The following KLHL7 variants were observed in gnomAD, a reference collection of about 807,000 sequenced individuals.
KLHL7 encodes the protein kelch like family member 7.
Under a neutral mutation model 67.4 loss-of-function variants are expected in KLHL7, and 44 were observed. The ratio of observed to expected loss-of-function variants is 0.65; its 90% CI spans 0.51 to 0.84. The LOEUF (loss-of-function observed/expected upper bound fraction) is 0.84, where lower values mean the gene tolerates loss of function less well. KLHL7 is among the 40% of genes least tolerant of loss of function. KLHL7 has a pLI of 0.00. For missense variants in KLHL7, 362 were observed against 718.1 expected, an observed-to-expected ratio of 0.50 and a Z score of 5.67; for synonymous variants, 252 against 243.3, an observed-to-expected ratio of 1.04 and a Z score of -0.33.
At chr7:23,141,382 G>A (rs1335495412) in intron 5 of KLHL7, among the ~76,000 whole-genome samples, 1 of 152,234 alleles carries the variant, frequency 6.6e-6, no homozygotes, top group Admixed American at 6.5e-5. Flanking sequence ...ACTGGTCATT[G>A]CTGTCTTTGA....
intron 4 of KLHL7, among the ~76,000 whole-genome samples, chr7:23,137,176 G>A (rs183914282): frequency 5.8e-4 from 88 of 152,220 alleles, no homozygotes; most frequent in African/African-American, 2.0e-3. Context: ...TCCCAGCTAC[G>A]CAGGAGACTG....
intron 1 of KLHL7, among the ~76,000 whole-genome samples, chr7:23,116,462 G>A (rs1783093446): frequency 6.6e-6 from 1 of 152,178 alleles, no homozygotes; most frequent in African/African-American, 2.4e-5. Context: ...TTTCCTCTGT[G>A]GTACATCTGT....
intron 7 of KLHL7, among the ~76,000 whole-genome samples, chr7:23,158,084 C>T (rs57532627): frequency 0.022 from 3,406 of 152,186 alleles, 118 homozygotes; most frequent in African/African-American, 0.077. Context: ...CCCACCTCAG[C>T]CTCTCTAGTA....
chr7:23,121,721 T>C (rs1240774446), intron 1 of KLHL7, among the ~76,000 whole-genome samples: 27 of 150,824 alleles, frequency 1.8e-4, no homozygotes, highest in Admixed American at 1.8e-3. Context: ...CTCGCTCTGT[T>C]GCCCAGGCTG....
At chr7:23,134,332 T>G (rs1030710238) in intron 4 of KLHL7, among the ~76,000 whole-genome samples, 6 of 152,210 alleles carry the variant, frequency 3.9e-5, no homozygotes, top group African/African-American at 1.2e-4. Context: ...ATTTTTAATG[T>G]GTTGTTGAAT....
chr7:23,156,316 T>C (rs1223411283), intron 7 of KLHL7: 2 of 196,768 alleles, frequency 1.0e-5, no homozygotes, highest in Non-Finnish European at 2.1e-5. Flanking sequence ...GAAATGATAT[T>C]TTTCTTGTTA....
intron 9 of KLHL7, among the ~76,000 whole-genome samples, chr7:23,170,115 G>C (rs1035406058): frequency 1.3e-5 from 2 of 152,222 alleles, no homozygotes; most frequent in Non-Finnish European, 2.9e-5. Flanking sequence ...TCAGGAGGCT[G>C]AGGCAGGAGA....
At chr7:23,141,007 C>G (rs951250902) in intron 5 of KLHL7, 63 bp downstream of exon 5, 60 of 1,283,196 alleles carry the variant, frequency 4.7e-5, no homozygotes, top group Non-Finnish European at 5.8e-5. Context: ...TCTTAAAACT[C>G]ATGTTTGGAC....
intron 2 of KLHL7, 145 bp downstream of exon 2, chr7:23,124,024 C>T (rs928007897): frequency 1.2e-4 from 79 of 663,380 alleles, no homozygotes; most frequent in Admixed American, 2.0e-4. Flanking sequence ...AAGTAGTCAG[C>T]TGATAACCAA....
chr7:23,151,764 T>G (rs141679846), intron 6 of KLHL7, among the ~76,000 whole-genome samples: 1 of 152,336 alleles, frequency 6.6e-6, no homozygotes, highest in Non-Finnish European at 1.5e-5. Context: ...AGATCTGGAT[T>G]TCAATAATTA....
chr7:23,140,214 T>G (rs1230968720), intron 4 of KLHL7, among the ~76,000 whole-genome samples: 1 of 152,190 alleles, frequency 6.6e-6, no homozygotes. Context: ...TGTTTAACAA[T>G]AGCCAAGAAA....
At chr7:23,129,302 G>T in intron 4 of KLHL7, 1 of 291,412 alleles carries the variant, frequency 3.4e-6, no homozygotes, top group South Asian at 3.7e-5. Context: ...AGCAGGGACT[G>T]CTCCAGGACA....
chr7:23,149,352 G>A (rs1205089019), intron 6 of KLHL7, among the ~76,000 whole-genome samples: 1 of 152,198 alleles, frequency 6.6e-6, no homozygotes, highest in Non-Finnish European at 1.5e-5. Flanking sequence ...CCTCCAGTGT[G>A]TCAGCACAGT....
rs145532402 is a variant in KLHL7 at position 23,175,145 on chromosome 7, G to A, written c.*847G>A. The A allele has an allele frequency of 5.0e-4, 225 of 454,044 alleles. 1 individual carries two copies. The highest frequency in any genetic ancestry group is 4.2e-3 in the African/African-American group (210 of 50,124). 28.1% of individuals were successfully genotyped at this position (454,044 alleles called of 1,614,324 possible). A position where few individuals can be genotyped will look rare whatever the true frequency, so the allele number is the denominator to read the frequency against. The stretch of plus-strand genomic sequence containing the variant: ...CTGGTAGTTGTACAATATCAGTGTT[G>A]ACTTTGAACTTCTTTAACGAGATCA... On this transcript the variant is annotated 3_prime_UTR_variant, in exon 11 of 11. Coordinates refer to ENST00000339077, the MANE Select transcript of KLHL7 (RefSeq NM_001031710.3).
At chr7:23,106,405 G>A in intron 1 of KLHL7, 1 of 1,321,742 alleles carries the variant, frequency 7.6e-7, no homozygotes, top group Non-Finnish European at 9.7e-7. Context: ...GCTGGCTTTC[G>A]CCGTCGGGTA....
chr7:23,122,998 G>A (rs999985125), intron 1 of KLHL7, among the ~76,000 whole-genome samples: 13 of 152,098 alleles, frequency 8.5e-5, no homozygotes, highest in African/African-American at 3.1e-4. Flanking sequence ...TTGGCAAAAA[G>A]GACATTTATT....
chr7:23,173,429 C>T (rs1026778588), intron 10 of KLHL7, among the ~76,000 whole-genome samples: 2 of 152,104 alleles, frequency 1.3e-5, no homozygotes, highest in African/African-American at 4.8e-5. Flanking sequence ...GTAAAGTTTC[C>T]TAAATATTTT....
chr7:23,165,711 C>G lies in KLHL7; in HGVS notation c.950C>G (p.Thr317Arg). 6.2e-7 allele frequency: 1 copy of G among 1,614,108 alleles called. No individual in the cohort carries two copies. Among genetic ancestry groups the G allele is most frequent in the Non-Finnish European group, 8.5e-7 (1 of 1,179,980 alleles). ...RYFNPKDYSW[T>R]DIRCPFEKRR... The stretch of plus-strand genomic sequence containing the variant: ...TTTCTGCTACAGGATTATAGCTGGA[C>G]AGACATCCGCTGCCCCTTTGAAAAA... Residue 317 changes from threonine (T) to arginine (R), a missense_variant, in exon 8 of 11, where the codon ACA (threonine) becomes AGA (arginine). Thr to Arg is a moderately conservative substitution (Grantham distance 71). Transcript: ENST00000339077.
intron 4 of KLHL7, chr7:23,129,483 T>C: frequency 3.3e-6 from 1 of 300,198 alleles, no homozygotes; most frequent in South Asian, 4.0e-5. Context: ...TAGATGAGCT[T>C]ATCAGATAGA....
Sources: gnomAD v4.1 joint callset for allele counts (sites outside exome capture counted in the v4.1 genomes callset) on GRCh38, gnomAD v4.1.1 for gene constraint, MANE v1.5 for transcripts, NCBI Gene and HGNC (gene_info 2026-07-23, HGNC 2026-07-21) for gene names.